The following CADM1 variants were observed in gnomAD, a reference collection of about 807,000 sequenced individuals.
CADM1 encodes the protein cell adhesion molecule 1.
A neutral mutation model predicts 53.1 loss-of-function variants in CADM1; 15 were observed. That is an observed-to-expected ratio of 0.28 (90% confidence interval 0.19 to 0.44). CADM1 has a LOEUF of 0.44. CADM1 is among the 20% of genes least tolerant of loss of function. The pLI is 1.00. For synonymous variants in CADM1, 281 were observed against 243.0 expected (o/e 1.16, Z -1.45); for missense variants, 434 against 611.3 (o/e 0.71, Z 3.06).
chr11:115,313,198 A>G (rs1944575668), intron 1 of CADM1, among the ~76,000 whole-genome samples: 2 of 152,198 alleles, frequency 1.3e-5, no homozygotes, highest in African/African-American at 4.8e-5. Flanking sequence ...GTTTTCCTAT[A>G]CAGTGAATGA....
chr11:115,445,704 C>T (rs561177897), intron 1 of CADM1: 132 of 429,220 alleles, frequency 3.1e-4, no homozygotes, highest in Non-Finnish European at 5.5e-4. Flanking sequence ...ATTAGCTGGG[C>T]GTGGTAGTGT....
intron 8 of CADM1, among the ~76,000 whole-genome samples, chr11:115,207,640 T>C (rs976596515): frequency 6.6e-6 from 1 of 151,966 alleles, no homozygotes; most frequent in Non-Finnish European, 1.5e-5. Flanking sequence ...AAAAGTGTTG[T>C]TCCATATAAA....
chr11:115,443,557 T>G (rs1472392544), intron 1 of CADM1, among the ~76,000 whole-genome samples: 1 of 152,180 alleles, frequency 6.6e-6, no homozygotes, highest in Non-Finnish European at 1.5e-5. Context: ...CATGTAAAAT[T>G]TTTCTATATG....
intron 3 of CADM1, among the ~76,000 whole-genome samples, chr11:115,234,425 C>G (rs1565314861): frequency 6.6e-6 from 1 of 152,154 alleles, no homozygotes; most frequent in Non-Finnish European, 1.5e-5. Context: ...AGGTCCCCAT[C>G]TGGATTATTT....
intron 1 of CADM1, among the ~76,000 whole-genome samples, chr11:115,285,722 T>G (rs1943712412): frequency 1.3e-5 from 2 of 152,166 alleles, no homozygotes; most frequent in Non-Finnish European, 2.9e-5. Flanking sequence ...TTAATGTGTC[T>G]AAGAGCACAC....
intron 1 of CADM1, among the ~76,000 whole-genome samples, chr11:115,302,466 C>T (rs754959195): frequency 2.6e-5 from 4 of 151,774 alleles, no homozygotes; most frequent in South Asian, 2.1e-4. Flanking sequence ...ATTTTTCCTA[C>T]GAAAATACAG....
At chr11:115,453,378 A>C (rs148681843) in intron 1 of CADM1, among the ~76,000 whole-genome samples, 17 of 133,280 alleles carry the variant, frequency 1.3e-4, no homozygotes, top group Admixed American at 2.9e-4. Context: ...CCTCGCCCCC[A>C]AAAAAAACCA....
rs1414064845 is a variant in CADM1, at chr11:115,469,860, C to T, written c.124+34411G>A. Among the ~76,000 whole-genome samples, 4 of 151,898 alleles carry T rather than the reference C, an allele frequency of 2.6e-5. 1 individual carries two copies. The highest frequency in any genetic ancestry group is 4.2e-4 in the South Asian group (2 of 4,810). On this transcript the variant is annotated intron_variant, in intron 1 of 11. Coordinates refer to ENST00000331581, the MANE Select transcript of CADM1 (RefSeq NM_001301043.2). ...CTAATTTTTGTATTTTTAGTAGAGA[C>T]GGGCTTTCGCCATGTTGGCCAGGCT...
chr11:115,304,224 A>C (rs979766964), intron 1 of CADM1, among the ~76,000 whole-genome samples: 1 of 152,074 alleles, frequency 6.6e-6, no homozygotes, highest in Non-Finnish European at 1.5e-5. Context: ...AATGTTTGCC[A>C]TCAACTCTAA....
At chr11:115,419,101 A>C (rs1947689687) in intron 1 of CADM1, among the ~76,000 whole-genome samples, 1 of 152,212 alleles carries the variant, frequency 6.6e-6, no homozygotes, top group African/African-American at 2.4e-5. Context: ...TAATTTTGCT[A>C]TGCTCTGCTA....
intron 1 of CADM1, among the ~76,000 whole-genome samples, chr11:115,362,309 T>G (rs965510211): frequency 6.6e-6 from 1 of 152,176 alleles, no homozygotes; most frequent in Non-Finnish European, 1.5e-5. Context: ...CTTATACCAC[T>G]GAGAGTTAAC....
At chr11:115,421,936 T>C (rs1339229911) in intron 1 of CADM1, among the ~76,000 whole-genome samples, 2 of 152,214 alleles carry the variant, frequency 1.3e-5, no homozygotes, top group Non-Finnish European at 2.9e-5. Context: ...ATTAGGGCTT[T>C]GTCACAGATC....
At chr11:115,386,338 A>ATAT (rs1296381630) in intron 1 of CADM1, among the ~76,000 whole-genome samples, 1 of 152,280 alleles carries the variant, frequency 6.6e-6, no homozygotes, top group Admixed American at 6.5e-5. Context: ...GTCAGCCTTT[A>ATAT]TATTAAATGT....
chr11:115,232,650 A>G (rs1941862222), intron 3 of CADM1, among the ~76,000 whole-genome samples: 2 of 152,206 alleles, frequency 1.3e-5, no homozygotes, highest in Non-Finnish European at 1.5e-5. Flanking sequence ...TGTGATAGTG[A>G]TAGTGATGGT....
At chr11:115,231,670 T>C (rs1941818772) in intron 3 of CADM1, among the ~76,000 whole-genome samples, 180 bp from the exon 4 acceptor site, 1 of 152,168 alleles carries the variant, frequency 6.6e-6, no homozygotes, top group South Asian at 2.1e-4. Context: ...ATTTAGAATT[T>C]CTATCCTAAA....
chr11:115,390,566 GTAAGTGT>G (rs1190027495), intron 1 of CADM1, among the ~76,000 whole-genome samples: 1 of 151,332 alleles, frequency 6.6e-6, no homozygotes, highest in Non-Finnish European at 1.5e-5. Flanking sequence ...ATGATCAGAT[GTAAGTGT>G]TTAGTTAACT....
At chr11:115,221,556 G>C (rs1383191646) in intron 5 of CADM1, among the ~76,000 whole-genome samples, 1 of 152,174 alleles carries the variant, frequency 6.6e-6, no homozygotes, top group Non-Finnish European at 1.5e-5. Flanking sequence ...AAAGAGGTTG[G>C]AATGGGTTGC....
At chr11:115,226,565 A>C (rs1399341915) in intron 5 of CADM1, among the ~76,000 whole-genome samples, 1 of 152,250 alleles carries the variant, frequency 6.6e-6, no homozygotes, top group Non-Finnish European at 1.5e-5. Flanking sequence ...ACCTCCATGC[A>C]GAGTGGCTAC....
chr11:115,495,054 A>G (rs1257975442), intron 1 of CADM1, among the ~76,000 whole-genome samples: 1 of 152,220 alleles, frequency 6.6e-6, no homozygotes, highest in East Asian at 1.9e-4. Context: ...ACGTACAAGG[A>G]AAAGTGAAAT....
Sources: gnomAD v4.1 joint callset for allele counts (sites outside exome capture counted in the v4.1 genomes callset) on GRCh38, gnomAD v4.1.1 for gene constraint, MANE v1.5 for transcripts, NCBI Gene and HGNC (gene_info 2026-07-23, HGNC 2026-07-21) for gene names.